VPS13B: variants seen among roughly 807,000 people sequenced by gnomAD.
VPS13B encodes the protein vacuolar protein sorting 13 homolog B.
VPS13B carries 285 observed loss-of-function variants against 426.4 expected under a neutral mutation model. That is an observed-to-expected ratio of 0.67 (90% CI 0.61 to 0.74). VPS13B has a LOEUF of 0.74. Among genes scored for constraint, VPS13B ranks in the 30% least tolerant of loss-of-function variants. The probability of loss-of-function intolerance (pLI) is 0.00; values close to 1 mark genes in which losing one functional copy is unlikely to be tolerated. For missense variants in VPS13B, 4,537 were observed against 4,782.6 expected (o/e 0.95, Z 1.51); for synonymous variants, 1,676 against 1,676.4 (o/e 1.00, Z 0.01).
intron 19 of VPS13B, among the ~76,000 whole-genome samples, chr8:99,334,997 T>A (rs1008214179): frequency 1.3e-5 from 2 of 152,148 alleles, no homozygotes; most frequent in Non-Finnish European, 2.9e-5. Flanking sequence ...TGGACTCTTT[T>A]TGGTTGGTAA....
chr8:99,775,902 CA>C (rs369730286), intron 40 of VPS13B, among the ~76,000 whole-genome samples: 27 of 145,032 alleles, frequency 1.9e-4, no homozygotes, highest in African/African-American at 5.8e-4. Context: ...GACTCCATCT[CA>C]AAAAAAAAAG....
chr8:99,105,162 C>T (rs1290189580), intron 5 of VPS13B, among the ~76,000 whole-genome samples: 1 of 152,048 alleles, frequency 6.6e-6, no homozygotes, highest in Non-Finnish European at 1.5e-5. Context: ...GAGAGTAGTC[C>T]TGATTTTACA....
At chr8:99,324,659 T>G (rs1279570497) in intron 19 of VPS13B, among the ~76,000 whole-genome samples, 1 of 152,218 alleles carries the variant, frequency 6.6e-6, no homozygotes, top group Non-Finnish European at 1.5e-5. Flanking sequence ...TATAGCTGTT[T>G]AATTTAAAGG....
At chr8:99,605,271 G>A (rs1321747917) in intron 33 of VPS13B, among the ~76,000 whole-genome samples, 1 of 152,176 alleles carries the variant, frequency 6.6e-6, no homozygotes, top group East Asian at 1.9e-4. Flanking sequence ...AGAAAAAGTA[G>A]CACAGATAGA....
intron 24 of VPS13B, among the ~76,000 whole-genome samples, chr8:99,480,724 C>T (rs896935983): frequency 6.6e-6 from 1 of 152,084 alleles, no homozygotes; most frequent in African/African-American, 2.4e-5. Flanking sequence ...TGAGGATTGA[C>T]AATAGTGTTT....
chr8:99,539,465 G>C (rs2133718305), intron 30 of VPS13B, among the ~76,000 whole-genome samples: 1 of 152,262 alleles, frequency 6.6e-6, no homozygotes, highest in South Asian at 2.1e-4. Flanking sequence ...ATAAAAATTA[G>C]GCCAGTGCCA....
chr8:99,141,090 T>A (rs1397141106), intron 12 of VPS13B, among the ~76,000 whole-genome samples: 1 of 152,070 alleles, frequency 6.6e-6, no homozygotes, highest in Non-Finnish European at 1.5e-5. Context: ...AGGAGATAAA[T>A]CTGAAACAAT....
intron 3 of VPS13B, among the ~76,000 whole-genome samples, chr8:99,081,770 GTCCCTACAAA>G (rs1367221681): frequency 6.6e-6 from 1 of 151,954 alleles, no homozygotes; most frequent in Non-Finnish European, 1.5e-5. Flanking sequence ...CTTCATCCAT[GTCCCTACAAA>G]GGACATTAAC....
At chr8:99,656,923 C>T in intron 34 of VPS13B, among the ~76,000 whole-genome samples, 1 of 152,148 alleles carries the variant, frequency 6.6e-6, no homozygotes, top group Non-Finnish European at 1.5e-5. Flanking sequence ...AACCATGCAA[C>T]CTGTATTTTT....
At chr8:99,570,376 G>T (rs1353760138) in intron 31 of VPS13B, among the ~76,000 whole-genome samples, 1 of 151,454 alleles carries the variant, frequency 6.6e-6, no homozygotes, top group Non-Finnish European at 1.5e-5. Flanking sequence ...TTTAAACTTT[G>T]CATTTTAAAA....
chr8:99,336,916 G>C (rs1326729941), intron 19 of VPS13B, among the ~76,000 whole-genome samples: 12 of 151,972 alleles, frequency 7.9e-5, no homozygotes, highest in Admixed American at 6.6e-4. Context: ...CTGTTGGTGG[G>C]ACTGTAAACT....
intron 19 of VPS13B, among the ~76,000 whole-genome samples, chr8:99,315,437 G>A (rs1809586809): frequency 6.7e-6 from 1 of 150,172 alleles, no homozygotes. Context: ...ACTCTTTCAA[G>A]TATATTTTTA....
At chr8:99,129,048 A>G (rs1363113313) in intron 8 of VPS13B, among the ~76,000 whole-genome samples, 1 of 152,138 alleles carries the variant, frequency 6.6e-6, no homozygotes, top group African/African-American at 2.4e-5. Flanking sequence ...TAATATGACA[A>G]AAGTTGAAAA....
chr8:99,666,090 G>T (rs951071210), intron 35 of VPS13B, among the ~76,000 whole-genome samples: 6 of 152,088 alleles, frequency 3.9e-5, no homozygotes, highest in African/African-American at 1.2e-4. Context: ...ATTGTGAATG[G>T]GAGTTCACTC....
At chr8:99,044,575 G>C (rs1486461769) in intron 3 of VPS13B, among the ~76,000 whole-genome samples, 1 of 151,784 alleles carries the variant, frequency 6.6e-6, no homozygotes, top group South Asian at 2.1e-4. Flanking sequence ...GTGGTAATTC[G>C]TTAGATTTTG....
rs138176759 is a variant in VPS13B at position 99,472,079 on chromosome 8, G to A, written c.3666+4445G>A. Among the ~76,000 whole-genome samples, 590 of 152,230 alleles carry A rather than the reference G, an allele frequency of 3.9e-3. 6 individuals are homozygous for A. Among genetic ancestry groups the A allele is most frequent in the African/African-American group, 0.013 (525 of 41,560 alleles). Reference sequence around the variant, plus strand: ...CTTAGATAGAACAAATAAAAAGTGTGTTACCATAGATAGAGTGACATGAAA... The same window carrying A: ...CTTAGATAGAACAAATAAAAAGTGTATTACCATAGATAGAGTGACATGAAA... On this transcript the variant is annotated intron_variant, in intron 24 of 61. Coordinates refer to ENST00000357162, the MANE Select transcript of VPS13B (RefSeq NM_152564.5).
chr8:99,834,604 A>G (rs1815277583), intron 52 of VPS13B, among the ~76,000 whole-genome samples: 1 of 151,890 alleles, frequency 6.6e-6, no homozygotes, highest in South Asian at 2.1e-4. Context: ...TGGCACAAAC[A>G]CGGCTCACTG....
chr8:99,411,204 T>C (rs1815640156), intron 21 of VPS13B, among the ~76,000 whole-genome samples: 1 of 152,100 alleles, frequency 6.6e-6, no homozygotes, highest in Non-Finnish European at 1.5e-5. Context: ...TCCTATTCTC[T>C]GCATCCTCTC....
At chr8:99,123,754 TG>T (rs1848059472) in intron 8 of VPS13B, among the ~76,000 whole-genome samples, 1 of 150,048 alleles carries the variant, frequency 6.7e-6, no homozygotes, top group Non-Finnish European at 1.5e-5. Context: ...GAGACATGAA[TG>T]AAAAAAAAAA....
Sources: allele counts gnomAD v4.1 joint callset (sites outside exome capture counted in the v4.1 genomes callset), GRCh38; gene constraint gnomAD v4.1.1; transcripts MANE v1.5; gene names NCBI Gene and HGNC (gene_info 2026-07-23, HGNC 2026-07-21).